CLASP1: variants seen among roughly 807,000 people sequenced by gnomAD.
The protein encoded by CLASP1 is CLIP-associating protein 1.
CLASP1 carries 38 observed loss-of-function variants against 192.3 expected under a neutral mutation model. That is an observed-to-expected ratio of 0.20 (90% confidence interval 0.15 to 0.26). The LOEUF (loss-of-function observed/expected upper bound fraction) is 0.26, where lower values mean the gene tolerates loss of function less well. Among genes scored for constraint, CLASP1 ranks in the 10% least tolerant of loss-of-function variants. The pLI, the probability that CLASP1 is intolerant of heterozygous loss-of-function variation, is 1.00. For missense variants in CLASP1, 1,433 were observed against 1,932.5 expected (o/e 0.74, Z 4.85); for synonymous variants, 691 against 712.8 (o/e 0.97, Z 0.49).
At chr2:121,346,866 A>AT (rs2063521032) in intron 39 of CLASP1, among the ~76,000 whole-genome samples, 172 bp downstream of exon 40, 1 of 152,228 alleles carries the variant, frequency 6.6e-6, no homozygotes, top group Non-Finnish European at 1.5e-5. Flanking sequence ...CCTTAAACTG[A>AT]TTTCACTGTA....
chr2:121,387,323 G>A (rs2073439915), intron 31 of CLASP1, 95 bp from the exon 33 acceptor site: 1 of 869,846 alleles, frequency 1.1e-6, no homozygotes, highest in Non-Finnish European at 1.7e-6. Context: ...GTAAATAAAT[G>A]GGTAGAATCT....
chr2:121,413,444 A>C (rs1280248465), intron 23 of CLASP1, among the ~76,000 whole-genome samples: 2 of 152,186 alleles, frequency 1.3e-5, no homozygotes, highest in African/African-American at 4.8e-5. Flanking sequence ...TAGCATATAA[A>C]AATAGTGGCA....
At chr2:121,432,597 C>A (rs1042457020) in intron 19 of CLASP1, among the ~76,000 whole-genome samples, 2 of 152,132 alleles carry the variant, frequency 1.3e-5, no homozygotes, top group Non-Finnish European at 2.9e-5. Flanking sequence ...TAATATTGGT[C>A]TTCTCATTCA....
chr2:121,599,485 G>A (rs751755640), intron 2 of CLASP1, among the ~76,000 whole-genome samples: 1 of 150,640 alleles, frequency 6.6e-6, no homozygotes, highest in Non-Finnish European at 1.5e-5. Context: ...CTACTCGGGA[G>A]GCTGAGGCAG....
intron 9 of CLASP1, among the ~76,000 whole-genome samples, chr2:121,467,465 G>C (rs1039677065): frequency 1.3e-5 from 2 of 152,122 alleles, no homozygotes; most frequent in Non-Finnish European, 2.9e-5. Flanking sequence ...AACCTCGCCA[G>C]CATCTATTGT....
chr2:121,406,444 A>G (rs983734688), intron 25 of CLASP1, among the ~76,000 whole-genome samples: 24 of 152,356 alleles, frequency 1.6e-4, no homozygotes, highest in African/African-American at 5.8e-4. Flanking sequence ...CCAAGACCCT[A>G]AAGTATAATG....
At chr2:121,389,577 T>G (rs1275602947) in intron 30 of CLASP1, among the ~76,000 whole-genome samples, 1 of 152,048 alleles carries the variant, frequency 6.6e-6, no homozygotes. Context: ...ACACATCAAT[T>G]TAATTAAAAG....
chr2:121,403,532 T>C (rs1574383082), intron 26 of CLASP1: 1 of 456,374 alleles, frequency 2.2e-6, no homozygotes. Flanking sequence ...AGGAAAACTG[T>C]AGTTGATCCT....
chr2:121,638,672 T>TTA lies in CLASP1; in HGVS notation c.-286+10699_-286+10700insTA, dbSNP rs1553683996. On this transcript the variant is annotated intron_variant, in intron 1 of 39. Transcript: ENST00000263710. ...AAAAAAGAATGGTGTTCTTTTTTAT[T>TTA]TTTTTTTTTTTTGAGACAGAGTTTT... 8.1e-5 allele frequency among the ~76,000 whole-genome samples: 12 copies of TTA among 148,034 alleles called. No homozygotes were observed. The South Asian group carries it at 1.3e-3, about 16-fold the overall frequency.
At chr2:121,553,121 G>C (rs966663116) in intron 2 of CLASP1, among the ~76,000 whole-genome samples, 1 of 152,180 alleles carries the variant, frequency 6.6e-6, no homozygotes, top group Admixed American at 6.5e-5. Flanking sequence ...GTTCTCACTT[G>C]TAAGTGGGAG....
At chr2:121,552,347 G>C (rs1252027573) in intron 2 of CLASP1, among the ~76,000 whole-genome samples, 2 of 151,994 alleles carry the variant, frequency 1.3e-5, no homozygotes, top group Admixed American at 6.6e-5. Flanking sequence ...AAATGGGATC[G>C]AATTAAACTT....
chr2:121,364,817 C>T, intron 36 of CLASP1: 1 of 428,352 alleles, frequency 2.3e-6, no homozygotes, highest in Non-Finnish European at 4.3e-6. Context: ...TTAAGAAATT[C>T]TGTGTTAAAG....
intron 34 of CLASP1, among the ~76,000 whole-genome samples, chr2:121,375,177 T>C (rs567280338): frequency 1.3e-5 from 2 of 152,172 alleles, no homozygotes; most frequent in South Asian, 4.1e-4. Flanking sequence ...TGAGATCTGG[T>C]TGTTTAAAAG....
rs2077288004 is a variant in CLASP1 at position 121,408,877 on chromosome 2, G to C, written c.2425-1162C>G. 5 of 687,186 alleles carry C rather than the reference G, an allele frequency of 7.3e-6. No homozygotes were observed. In the East Asian group the frequency reaches 1.1e-4, roughly 15 times the overall value. The allele number at this position is 687,186 out of a possible 1,614,324, so 42.6% of individuals were successfully genotyped here. ...CTCCACCATGAATAAAGACAACAAT[G>C]ATGGTGAATCACTGTTATGATTCAA... On this transcript the variant is annotated intron_variant, in intron 24 of 39. Transcript: ENST00000263710.
At chr2:121,479,709 G>GT (rs1248793341) in intron 8 of CLASP1, among the ~76,000 whole-genome samples, 5 of 152,058 alleles carry the variant, frequency 3.3e-5, no homozygotes, top group African/African-American at 9.7e-5. Context: ...TGGGGTACAC[G>GT]TATCACCCCC....
chr2:121,413,155 G>T (rs964442915), intron 23 of CLASP1, among the ~76,000 whole-genome samples: 1 of 152,096 alleles, frequency 6.6e-6, no homozygotes, highest in African/African-American at 2.4e-5. Context: ...AGCTACTTGG[G>T]GGGCTGAGGT....
At chr2:121,577,516 A>G (rs2060641026) in intron 2 of CLASP1, among the ~76,000 whole-genome samples, 1 of 152,210 alleles carries the variant, frequency 6.6e-6, no homozygotes. Flanking sequence ...TGATATATGC[A>G]CAGAGAAATG....
chr2:121,627,548 A>G (rs536509859), intron 1 of CLASP1, among the ~76,000 whole-genome samples: 1 of 152,352 alleles, frequency 6.6e-6, no homozygotes, highest in South Asian at 2.1e-4. Context: ...CAACAGTGAA[A>G]CAAATATAAG....
chr2:121,392,549 T>G (rs1183295464), intron 30 of CLASP1, among the ~76,000 whole-genome samples: 1 of 152,210 alleles, frequency 6.6e-6, no homozygotes, highest in Non-Finnish European at 1.5e-5. Context: ...AGGCTGGAAC[T>G]ACAAGCATGC....
Sources: gnomAD v4.1 joint callset for allele counts (sites outside exome capture counted in the v4.1 genomes callset) on GRCh38, gnomAD v4.1.1 for gene constraint, MANE v1.5 for transcripts, NCBI Gene and HGNC (gene_info 2026-07-23, HGNC 2026-07-21) for gene names.